The following EPHA3 variants were observed in gnomAD, a reference collection of about 807,000 sequenced individuals.
EPHA3 encodes the protein ephrin type-A receptor 3.
EPHA3 carries 42 observed loss-of-function variants against 107.1 expected under a neutral mutation model. The observed-to-expected ratio is 0.39, with a 90% CI of 0.31 to 0.51. EPHA3 has a LOEUF of 0.51. Ranked by LOEUF, EPHA3 falls within the 20% of genes least tolerant of loss-of-function variation. The probability of loss-of-function intolerance (pLI) is 0.78; values close to 1 mark genes in which losing one functional copy is unlikely to be tolerated. For synonymous variants in EPHA3, 461 were observed against 424.8 expected (o/e 1.09, Z -1.05); for missense variants, 1,183 against 1,211.2 (o/e 0.98, Z 0.35).
chr3:89,468,076 C>T (rs1710324245), intron 15 of EPHA3, among the ~76,000 whole-genome samples: 1 of 152,150 alleles, frequency 6.6e-6, no homozygotes, highest in Admixed American at 6.6e-5. Context: ...CATGAAGAGA[C>T]ATCACAGGCT....
rs1225619715 is a variant in EPHA3 at position 89,367,969 on chromosome 3, T to C, written c.1306+25879T>C. 3.3e-5 allele frequency among the ~76,000 whole-genome samples: 5 copies of C among 150,800 alleles called. No homozygotes were observed. In the South Asian group the frequency reaches 1.0e-3, roughly 31 times the overall value. On this transcript the variant is annotated intron_variant, in intron 5 of 16. Coordinates refer to ENST00000336596, the MANE Select transcript of EPHA3 (RefSeq NM_005233.6). ...TTCATATGCATTTAATCTTTCTTAC[T>C]GCACTCTAGGTTCCTTGAGGGCGTG...
chr3:89,364,659 A>G (rs566097688), intron 5 of EPHA3, among the ~76,000 whole-genome samples: 63 of 151,038 alleles, frequency 4.2e-4, no homozygotes, highest in African/African-American at 1.5e-3. Flanking sequence ...CAAAAAGGCA[A>G]CACTTGTTTT....
At chr3:89,272,738 C>T (rs1171935499) in intron 3 of EPHA3, among the ~76,000 whole-genome samples, 1 of 151,866 alleles carries the variant, frequency 6.6e-6, no homozygotes, top group Non-Finnish European at 1.5e-5. Flanking sequence ...TGTCCATGTT[C>T]ATACTCATAA....
intron 3 of EPHA3, among the ~76,000 whole-genome samples, chr3:89,267,601 T>A (rs373755559): frequency 6.6e-6 from 1 of 152,138 alleles, no homozygotes; most frequent in Admixed American, 6.6e-5. Context: ...TGGAGGAAGC[T>A]ACATTAAAGG....
intron 2 of EPHA3, among the ~76,000 whole-genome samples, chr3:89,160,735 G>A: frequency 6.6e-6 from 1 of 151,810 alleles, no homozygotes; most frequent in Admixed American, 6.6e-5. Flanking sequence ...TATCTCTTTG[G>A]CAACTGCTTT....
chr3:89,475,246 T>C (rs1710483937), intron 16 of EPHA3, among the ~76,000 whole-genome samples: 1 of 152,224 alleles, frequency 6.6e-6, no homozygotes, highest in African/African-American at 2.4e-5. Flanking sequence ...TATTTTAGCT[T>C]TCTTTCGGGT....
At chr3:89,454,816 AC>A (rs1216491950) in intron 15 of EPHA3, among the ~76,000 whole-genome samples, 1 of 151,794 alleles carries the variant, frequency 6.6e-6, no homozygotes, top group Non-Finnish European at 1.5e-5. Context: ...TTATAGCAAG[AC>A]CCCCATCCCT....
chr3:89,363,935 A>G (rs776619797), intron 5 of EPHA3, among the ~76,000 whole-genome samples: 2 of 150,710 alleles, frequency 1.3e-5, no homozygotes, highest in Non-Finnish European at 3.0e-5. Context: ...TATCTCAAAT[A>G]TATTCAGTTT....
At chr3:89,314,732 A>G (rs1301118148) in intron 3 of EPHA3, among the ~76,000 whole-genome samples, 1 of 152,048 alleles carries the variant, frequency 6.6e-6, no homozygotes, top group African/African-American at 2.4e-5. Context: ...ACAAATTAGT[A>G]ATAGAAATAC....
Position 89,351,392 on chromosome 3 carries a change from G to A in EPHA3, c.1306+9302G>A, listed in dbSNP as rs564640215. Among the ~76,000 whole-genome samples the A allele has an allele frequency of 3.1e-4, 47 of 150,832 alleles. No homozygotes were observed. The East Asian group carries it at 6.2e-3, about 20-fold the overall frequency. On this transcript the variant is annotated intron_variant, in intron 5 of 16. Transcript: ENST00000336596. Reference sequence around the variant, plus strand: ...GTGACCCGATTTTCCAGGTGCGTCCGTCACCCCTTTCTTTGACTCGGAAAG... The same window carrying A: ...GTGACCCGATTTTCCAGGTGCGTCCATCACCCCTTTCTTTGACTCGGAAAG...
rs1705817309 is a variant in EPHA3 at position 89,276,808 on chromosome 3, T to C, written c.815-64108T>C. On this transcript the variant is annotated intron_variant, in intron 3 of 16. Coordinates refer to ENST00000336596, the MANE Select transcript of EPHA3 (RefSeq NM_005233.6). ...TTCTATAGCACTAAAAGACACATAA[T>C]GTATTAAAGAGAATATCTAAAAGTC... Among the ~76,000 whole-genome samples, 3 of 152,114 alleles carry C rather than the reference T, an allele frequency of 2.0e-5. No homozygotes were observed. In the South Asian group the frequency reaches 6.2e-4, roughly 32 times the overall value.
rs565247377 is a variant in EPHA3, at chr3:89,226,057, A to G, written c.814+15537A>G. 8.5e-5 allele frequency among the ~76,000 whole-genome samples: 13 copies of G among 152,320 alleles called. No homozygotes were observed. In the South Asian group the frequency reaches 2.7e-3, roughly 32 times the overall value. On this transcript the variant is annotated intron_variant, in intron 3 of 16. Coordinates refer to ENST00000336596, the MANE Select transcript of EPHA3 (RefSeq NM_005233.6). ...TTCACTCCACTCTGGTAAAGAATCA[A>G]ATTGTTATATAATATATTTTATATT...
chr3:89,137,770 T>C (rs1457430308), intron 2 of EPHA3, among the ~76,000 whole-genome samples: 1 of 152,044 alleles, frequency 6.6e-6, no homozygotes, highest in East Asian at 1.9e-4. Flanking sequence ...GCTGATACAC[T>C]TGGATTTTTC....
At chr3:89,453,873 C>T (rs987293591) in intron 15 of EPHA3, among the ~76,000 whole-genome samples, 7 of 152,196 alleles carry the variant, frequency 4.6e-5, no homozygotes, top group East Asian at 1.9e-4. Flanking sequence ...CCATATCGTC[C>T]TTCTTTCCTC....
chr3:89,173,328 GC>G (rs1705249852), intron 2 of EPHA3, among the ~76,000 whole-genome samples: 1 of 151,860 alleles, frequency 6.6e-6, no homozygotes, highest in Non-Finnish European at 1.5e-5. Flanking sequence ...AAAATCCAAG[GC>G]CAAAAATGCA....
chr3:89,415,292 C>T (rs1709223615), intron 10 of EPHA3, among the ~76,000 whole-genome samples: 2 of 150,378 alleles, frequency 1.3e-5, no homozygotes, highest in African/African-American at 4.9e-5. Context: ...CAAATGGCAA[C>T]CTTGGTTGGT....
At chr3:89,475,090 T>C (rs1202480057) in intron 16 of EPHA3, among the ~76,000 whole-genome samples, 2 of 152,316 alleles carry the variant, frequency 1.3e-5, no homozygotes, top group East Asian at 3.9e-4. Context: ...GCTTTTTTCC[T>C]TGAGTCTTCA....
chr3:89,305,340 C>A (rs2107351745), intron 3 of EPHA3, among the ~76,000 whole-genome samples: 1 of 152,204 alleles, frequency 6.6e-6, no homozygotes, highest in East Asian at 1.9e-4. Context: ...TTTTGCATGG[C>A]AAATCATGCC....
intron 5 of EPHA3, among the ~76,000 whole-genome samples, chr3:89,386,760 G>A (rs1314128328): frequency 6.6e-6 from 1 of 152,218 alleles, no homozygotes; most frequent in African/African-American, 2.4e-5. Flanking sequence ...AAGTAAATGG[G>A]AGGAGTGCTG....
Sources: allele counts gnomAD v4.1 joint callset (sites outside exome capture counted in the v4.1 genomes callset), GRCh38; gene constraint gnomAD v4.1.1; transcripts MANE v1.5; gene names NCBI Gene and HGNC (gene_info 2026-07-23, HGNC 2026-07-21).